ANKS1B: variants seen among roughly 807,000 people sequenced by gnomAD.
ANKS1B encodes ankyrin repeat and sterile alpha motif domain containing 1B, also known as ankyrin repeat and sterile alpha motif domain-containing protein 1B.
ANKS1B carries 36 observed loss-of-function variants against 148.3 expected under a neutral mutation model. The ratio of observed to expected loss-of-function variants is 0.24; its 90% CI spans 0.19 to 0.32. ANKS1B has a LOEUF of 0.32. ANKS1B is among the 10% of genes least tolerant of loss of function. The pLI is 1.00. For missense variants in ANKS1B, 1,157 were observed against 1,542.6 expected (o/e 0.75, Z 4.19); for synonymous variants, 542 against 560.8 (o/e 0.97, Z 0.47).
At chr12:99,257,850 G>C (rs1238311022) in intron 12 of ANKS1B, among the ~76,000 whole-genome samples, 2 of 152,094 alleles carry the variant, frequency 1.3e-5, no homozygotes, top group Non-Finnish European at 2.9e-5. Flanking sequence ...CCTTCCAGCT[G>C]AGCCAGGGAA....
intron 10 of ANKS1B, among the ~76,000 whole-genome samples, chr12:99,467,571 G>T (rs1359545556): frequency 6.6e-6 from 1 of 152,178 alleles, no homozygotes; most frequent in Non-Finnish European, 1.5e-5. Context: ...TCCTTAAGCT[G>T]ATAAGCAACT....
intron 1 of ANKS1B, among the ~76,000 whole-genome samples, chr12:99,860,283 G>T (rs998939904): frequency 6.6e-6 from 1 of 152,142 alleles, no homozygotes; most frequent in African/African-American, 2.4e-5. Context: ...TGTCCTAAAA[G>T]GCAAAAACTA....
rs753734754 is a variant in ANKS1B at position 99,504,540 on chromosome 12, C to T, written c.1374G>A (p.Met458Ile). ...AAGGTTTCTTTGTAACAGCTGTGTC[C>T]ATGAGATCACACAGAAAGTTCTCAT... Reference protein sequence around the residue: ...SENENFLCDLMDTAVTKKPCS... With the variant: ...SENENFLCDLIDTAVTKKPCS... The change falls in exon 10 of 27, where the codon ATG becomes ATA. Residue 458 changes from methionine to isoleucine, a missense_variant. Transcript: ENST00000683438. 2.5e-6 allele frequency: 4 copies of T among 1,612,740 alleles called. No individual in the cohort carries two copies. In the African/African-American group the frequency reaches 4.0e-5, roughly 16 times the overall value.
intron 6 of ANKS1B, 95 bp from the exon 7 acceptor site, chr12:99,775,756 TA>T: frequency 3.1e-6 from 2 of 636,364 alleles, no homozygotes; most frequent in Non-Finnish European, 5.1e-6. Context: ...GTTTTTCATT[TA>T]TTTTTTCATA....
chr12:99,025,966 C>T (rs1453453751), intron 17 of ANKS1B, among the ~76,000 whole-genome samples: 1 of 152,148 alleles, frequency 6.6e-6, no homozygotes, highest in East Asian at 1.9e-4. Context: ...CATTTGTGCC[C>T]TTCAGTTCCC....
rs777360519 is a variant in ANKS1B, at chr12:99,394,801, A to G, written c.1756+4830T>C. On this transcript the variant is annotated intron_variant, in intron 12 of 26. Coordinates refer to ENST00000683438, the MANE Select transcript of ANKS1B (RefSeq NM_001352186.2). ...TACACACGCTGCATATCATCTGTAT[A>G]ATGACGACGTTCACATCTATACCTG... is the stretch of plus-strand genomic sequence containing the variant. 4.0e-4 allele frequency among the ~76,000 whole-genome samples: 61 copies of G among 152,152 alleles called. 2 individuals carry two copies. Among genetic ancestry groups the G allele is most frequent in the Non-Finnish European group, 5.9e-5 (4 of 68,030 alleles).
chr12:99,925,409 C>T (rs1269495824), intron 1 of ANKS1B, among the ~76,000 whole-genome samples: 4 of 152,150 alleles, frequency 2.6e-5, no homozygotes, highest in Admixed American at 6.5e-5. Flanking sequence ...ATTTCTCAGC[C>T]TGGGCTCCGG....
At chr12:98,870,116 C>G (rs1285151541) in intron 17 of ANKS1B, among the ~76,000 whole-genome samples, 1 of 152,180 alleles carries the variant, frequency 6.6e-6, no homozygotes, top group Non-Finnish European at 1.5e-5. Context: ...GAAATGTACC[C>G]AGCTCCTGGA....
chr12:98,886,674 C>T (rs1035243731), intron 17 of ANKS1B, among the ~76,000 whole-genome samples: 19 of 151,992 alleles, frequency 1.3e-4, no homozygotes, highest in Non-Finnish European at 2.5e-4. Flanking sequence ...TGTTATTAAG[C>T]TATGTGGATA....
intron 8 of ANKS1B, among the ~76,000 whole-genome samples, chr12:99,691,634 T>C (rs553553978): frequency 2.0e-5 from 3 of 152,224 alleles, no homozygotes; most frequent in Admixed American, 6.5e-5. Flanking sequence ...GATTTCATTG[T>C]CCATATCACT....
chr12:99,646,820 C>T (rs2098373149), intron 9 of ANKS1B, among the ~76,000 whole-genome samples: 1 of 148,166 alleles, frequency 6.7e-6, no homozygotes, highest in South Asian at 2.2e-4. Context: ...TTCTTTACAG[C>T]TTTTTTTTTT....
chr12:99,947,269 A>AAAAC (rs1555260367), intron 1 of ANKS1B, among the ~76,000 whole-genome samples: 3 of 149,734 alleles, frequency 2.0e-5, no homozygotes, highest in African/African-American at 4.9e-5. Flanking sequence ...AAAAAAAAAA[A>AAAAC]CAGAAAAGAA....
intron 16 of ANKS1B, among the ~76,000 whole-genome samples, chr12:99,055,923 T>C (rs773250690): frequency 6.6e-6 from 1 of 152,186 alleles, no homozygotes; most frequent in Non-Finnish European, 1.5e-5. Flanking sequence ...CATATCAGGA[T>C]TGCACGGAAT....
At chr12:99,831,060 T>C (rs1223183082) in intron 1 of ANKS1B, among the ~76,000 whole-genome samples, 2 of 152,194 alleles carry the variant, frequency 1.3e-5, no homozygotes, top group African/African-American at 4.8e-5. Flanking sequence ...TATTTATTTA[T>C]ATGCTTACTG....
At chr12:98,922,196 T>A (rs2099802314) in intron 17 of ANKS1B, among the ~76,000 whole-genome samples, 1 of 152,236 alleles carries the variant, frequency 6.6e-6, no homozygotes, top group South Asian at 2.1e-4. Flanking sequence ...TTTAACAATA[T>A]CATACCCCCA....
At chr12:99,531,869 T>C (rs11109903) in intron 9 of ANKS1B, among the ~76,000 whole-genome samples, 32,292 of 152,100 alleles carry the variant, frequency 0.21, 3,654 homozygotes, top group East Asian at 0.3. Context: ...ACATCTATTG[T>C]TTTTTGACTT....
At chr12:99,966,289 C>G (rs974441174) in intron 1 of ANKS1B, among the ~76,000 whole-genome samples, 1 of 152,020 alleles carries the variant, frequency 6.6e-6, no homozygotes, top group African/African-American at 2.4e-5. Context: ...CTAAAGTATT[C>G]TGGGGTGATT....
At position 98,758,941 on chromosome 12, in the gene ANKS1B, A is replaced by ATT. The variant is rs35016362; in HGVS notation, c.3580-7421_3580-7420dup. Among the ~76,000 whole-genome samples, 924 of 135,874 alleles carry ATT rather than the reference A, an allele frequency of 6.8e-3. 14 individuals carry two copies. Among genetic ancestry groups the ATT allele is most frequent in the African/African-American group, 0.022 (801 of 36,590 alleles). The allele number at this position is 135,874 out of a possible 152,430, so 89.1% of individuals were successfully genotyped here. On this transcript the variant is annotated intron_variant, in intron 25 of 26. Transcript: ENST00000683438. Reference sequence around the variant, plus strand: ...GATTATAGGCGTGCACGCCTGGCTAATTTTTTTTTTTTTTTTTATGGCAGA... The same window carrying ATT: ...GATTATAGGCGTGCACGCCTGGCTAATTTTTTTTTTTTTTTTTTTATGGCAGA...
intron 12 of ANKS1B, chr12:99,386,153 C>T (rs1210418405): frequency 6.6e-6 from 1 of 152,212 alleles, no homozygotes; most frequent in African/African-American, 2.4e-5. Flanking sequence ...AAAATTACAT[C>T]TTTGACTCCG....
Sources: allele counts gnomAD v4.1 joint callset (sites outside exome capture counted in the v4.1 genomes callset), GRCh38; gene constraint gnomAD v4.1.1; transcripts MANE v1.5; gene names NCBI Gene and HGNC (gene_info 2026-07-23, HGNC 2026-07-21).